Variants in SH3PXD2A observed in about 807,000 individuals in gnomAD.
SH3PXD2A encodes the protein SH3 and PX domain-containing protein 2A.
A neutral mutation model predicts 115.2 loss-of-function variants in SH3PXD2A; 32 were observed. The ratio of observed to expected loss-of-function variants is 0.28; its 90% CI spans 0.21 to 0.37. The LOEUF (loss-of-function observed/expected upper bound fraction) is 0.37. SH3PXD2A is among the 10% of genes least tolerant of loss of function. The pLI is 1.00. For missense variants in SH3PXD2A, 1,328 were observed against 1,498.7 expected (o/e 0.89, Z 1.88); for synonymous variants, 610 against 629.1 (o/e 0.97, Z 0.45).
chr10:103,696,647 G>A lies in SH3PXD2A; in HGVS notation c.399-3591C>T, dbSNP rs17115831. 5.3e-3 allele frequency among the ~76,000 whole-genome samples: 811 copies of A among 152,230 alleles called. 6 individuals are homozygous for A. Among genetic ancestry groups the A allele is most frequent in the African/African-American group, 0.018 (742 of 41,522 alleles). On this transcript the variant is annotated intron_variant, in intron 5 of 14. Transcript: ENST00000369774. ...TTCCGACTTGCTGCTGAATCATATC[G>A]GCCAGGGAGCCACAGGAAGAAGAGG...
rs376589572 is a variant in SH3PXD2A, at chr10:103,605,843, C to T, written c.1383G>A (p.Ser461=). The stretch of plus-strand genomic sequence containing the variant: ...GAAAGCTGATGCCATCGGAAATGCA[C>T]GACTGGAATTCGGCAATGGTGTAGT... ...VEYYTIAEFQ[S]CISDGISFRG... The change falls in exon 14 of 15, where the codon TCG becomes TCA. Residue 461 remains serine, a synonymous_variant. Coordinates refer to ENST00000369774, the MANE Select transcript of SH3PXD2A (RefSeq NM_001394015.1). 8.7e-6 allele frequency: 14 copies of T among 1,613,218 alleles called. No homozygotes were observed. Among genetic ancestry groups the T allele is most frequent in the Admixed American group, 6.7e-5 (4 of 59,998 alleles).
intron 2 of SH3PXD2A, among the ~76,000 whole-genome samples, chr10:103,776,096 T>G (rs1289927642): frequency 1.3e-5 from 2 of 152,132 alleles, no homozygotes; most frequent in African/African-American, 4.8e-5. Context: ...CTTCAAATCA[T>G]AAGTGTATAG....
intron 1 of SH3PXD2A, among the ~76,000 whole-genome samples, chr10:103,840,747 A>G (rs565544636): frequency 6.6e-6 from 1 of 152,230 alleles, no homozygotes; most frequent in Non-Finnish European, 1.5e-5. Flanking sequence ...GAAGGACCAT[A>G]ATAGTGCTTT....
At chr10:103,639,650 A>AAAAAAAAAG (rs2036923856) in intron 8 of SH3PXD2A, among the ~76,000 whole-genome samples, 3 of 111,494 alleles carry the variant, frequency 2.7e-5, no homozygotes, top group African/African-American at 4.0e-5. Context: ...AAAAAAGAAA[A>AAAAAAAAAG]AAAGAAAATG....
chr10:103,755,109 T>C (rs972560962), intron 3 of SH3PXD2A: 1 of 152,198 alleles, frequency 6.6e-6, no homozygotes, highest in Admixed American at 6.5e-5. Context: ...GACCACATTT[T>C]GAACAGCAAT....
chr10:103,714,061 C>G (rs936698511), intron 5 of SH3PXD2A, among the ~76,000 whole-genome samples: 1 of 152,228 alleles, frequency 6.6e-6, no homozygotes, highest in Non-Finnish European at 1.5e-5. Context: ...AGGTTCAGTT[C>G]TGCCTTAAAC....
intron 13 of SH3PXD2A, among the ~76,000 whole-genome samples, chr10:103,608,186 G>GCAGACCCAC (rs1442627043): frequency 2.3e-4 from 20 of 88,550 alleles, no homozygotes; most frequent in East Asian, 2.1e-3. Context: ...CAGGACAGAG[G>GCAGACCCAC]CAGACCCACC....
At chr10:103,657,563 T>C (rs1389716032) in intron 8 of SH3PXD2A, among the ~76,000 whole-genome samples, 1 of 152,194 alleles carries the variant, frequency 6.6e-6, no homozygotes, top group Non-Finnish European at 1.5e-5. Flanking sequence ...GCTCTATGTG[T>C]CCCTGTATAT....
intron 4 of SH3PXD2A, among the ~76,000 whole-genome samples, chr10:103,734,930 C>T (rs2038363223): frequency 6.6e-6 from 1 of 152,218 alleles, no homozygotes; most frequent in Non-Finnish European, 1.5e-5. Context: ...TCCTCATGAC[C>T]ACCGTGTGGA....
intron 1 of SH3PXD2A, among the ~76,000 whole-genome samples, chr10:103,834,449 G>T (rs1283714382): frequency 6.6e-6 from 1 of 152,216 alleles, no homozygotes; most frequent in African/African-American, 2.4e-5. Context: ...GATGGCTAAA[G>T]GGTACAGGGT....
chr10:103,628,873 C>G (rs1183315710), intron 8 of SH3PXD2A, among the ~76,000 whole-genome samples: 1 of 152,228 alleles, frequency 6.6e-6, no homozygotes, highest in African/African-American at 2.4e-5. Flanking sequence ...TGCTCCAAAC[C>G]CTGTGTCTCC....
intron 1 of SH3PXD2A, among the ~76,000 whole-genome samples, chr10:103,830,118 A>C (rs1034943005): frequency 6.6e-6 from 1 of 152,244 alleles, no homozygotes; most frequent in Non-Finnish European, 1.5e-5. Context: ...AAACAAGATA[A>C]GAGAGGTTTA....
At chr10:103,662,977 T>G (rs920208088) in intron 7 of SH3PXD2A, among the ~76,000 whole-genome samples, 5 of 152,116 alleles carry the variant, frequency 3.3e-5, no homozygotes, top group African/African-American at 1.2e-4. Context: ...GCTAATTTTT[T>G]TATGTTTTGT....
chr10:103,609,659 CT>C (rs1457660875), intron 13 of SH3PXD2A: 2 of 152,216 alleles, frequency 1.3e-5, no homozygotes, highest in African/African-American at 4.8e-5. Flanking sequence ...GGACAACCCC[CT>C]GCCCTTGTGG....
intron 8 of SH3PXD2A, among the ~76,000 whole-genome samples, chr10:103,649,900 A>AG (rs1248383504): frequency 6.6e-6 from 1 of 152,146 alleles, no homozygotes; most frequent in Non-Finnish European, 1.5e-5. Flanking sequence ...TCTGGACCTG[A>AG]GGGGGGACTC....
At chr10:103,851,150 A>G (rs1255186948) in intron 1 of SH3PXD2A, among the ~76,000 whole-genome samples, 1 of 117,466 alleles carries the variant, frequency 8.5e-6, no homozygotes, top group Non-Finnish European at 1.6e-5. Flanking sequence ...AGGGCTGAGA[A>G]AAAAAAAAAA....
chr10:103,606,525 C>T (rs1439914981), intron 13 of SH3PXD2A, among the ~76,000 whole-genome samples: 14 of 147,634 alleles, frequency 9.5e-5, no homozygotes, highest in Non-Finnish European at 1.6e-4. Context: ...TCTCTTTCCA[C>T]GGTCTCCCTC....
chr10:103,825,762 A>ATTTTTT (rs370142036), intron 1 of SH3PXD2A, among the ~76,000 whole-genome samples: 1 of 132,446 alleles, frequency 7.6e-6, no homozygotes, highest in African/African-American at 2.9e-5. Context: ...TCCGTAACAA[A>ATTTTTT]TTTTTTTTTT....
At chr10:103,615,682 G>C (rs1383506454) in intron 11 of SH3PXD2A, among the ~76,000 whole-genome samples, 2 of 152,130 alleles carry the variant, frequency 1.3e-5, no homozygotes, top group East Asian at 1.9e-4. Flanking sequence ...CCTGCTGGCT[G>C]TAAGACTAGG....
Sources: gnomAD v4.1 joint callset for allele counts (sites outside exome capture counted in the v4.1 genomes callset) on GRCh38, gnomAD v4.1.1 for gene constraint, MANE v1.5 for transcripts, NCBI Gene and HGNC (gene_info 2026-07-23, HGNC 2026-07-21) for gene names.